Variants in MICAL3 observed in about 807,000 individuals in gnomAD.
The protein encoded by MICAL3 is [F-actin]-monooxygenase MICAL3.
In MICAL3, 62 loss-of-function variants were observed where a neutral mutation model predicts 207.4. The ratio of observed to expected loss-of-function variants is 0.30; its 90% CI spans 0.24 to 0.37. The LOEUF is 0.37. MICAL3 is among the 10% of genes least tolerant of loss of function. The pLI, the probability that MICAL3 is intolerant of heterozygous loss-of-function variation, is 1.00. For synonymous variants in MICAL3, 1,077 were observed against 1,069.3 expected (o/e 1.01, Z -0.14); for missense variants, 2,368 against 2,635.6 (o/e 0.90, Z 2.22).
chr22:17,976,867 C>T (rs1166341050), intron 1 of MICAL3, among the ~76,000 whole-genome samples: 5 of 148,896 alleles, frequency 3.4e-5, no homozygotes, highest in Non-Finnish European at 3.0e-5. Flanking sequence ...AGTGCAGTGG[C>T]GTGATCTCGG....
At chr22:17,992,341 T>G (rs1418971310) in intron 1 of MICAL3, among the ~76,000 whole-genome samples, 2 of 152,136 alleles carry the variant, frequency 1.3e-5, no homozygotes, top group East Asian at 3.9e-4. Context: ...TTCTAGAAAT[T>G]CTCAATCTTA....
chr22:17,827,637 T>C lies in MICAL3; in HGVS notation c.3193+7A>G. On this transcript the variant is annotated splice_region_variant and intron_variant, in intron 22 of 31. Transcript: ENST00000441493. ...GCACACTGCGGCCTGGGGCTGGGAG[T>C]GTTTACCTCCGGAAGCAGAGGACTC... 1 of 1,554,910 alleles carries C rather than the reference T, an allele frequency of 6.4e-7. No homozygotes were observed. The highest frequency in any genetic ancestry group is 8.7e-7 in the Non-Finnish European group (1 of 1,149,744).
At chr22:17,937,885 C>T (rs1366420839) in intron 1 of MICAL3, among the ~76,000 whole-genome samples, 1 of 152,116 alleles carries the variant, frequency 6.6e-6, no homozygotes, top group Non-Finnish European at 1.5e-5. Context: ...ATGAAGCCAA[C>T]AAATTACTTG....
intron 1 of MICAL3, among the ~76,000 whole-genome samples, chr22:17,949,474 G>T (rs1934230479): frequency 6.6e-6 from 1 of 152,178 alleles, no homozygotes; most frequent in Non-Finnish European, 1.5e-5. Context: ...GAACTGCTTT[G>T]CTAAGGGTGG....
rs1931403628 is a variant in MICAL3 at position 17,902,470 on chromosome 22, C to T, written c.589+161G>A. On this transcript the variant is annotated intron_variant, in intron 4 of 31. Transcript: ENST00000441493. The surrounding 1 kb of genome is among the most constrained non-coding windows in gnomAD (Gnocchi z 4.5). ...GGGGCCCTTCCCACCACATGTGCGC[C>T]TGCGACATCTAAGGCTGCATCCAGG... Among the ~76,000 whole-genome samples, 1 of 152,238 alleles carries T rather than the reference C, an allele frequency of 6.6e-6. No individual in the cohort carries two copies.
chr22:17,918,498 GCT>G (rs542923346), intron 1 of MICAL3, among the ~76,000 whole-genome samples: 251 of 152,166 alleles, frequency 1.6e-3, no homozygotes, highest in African/African-American at 5.6e-3. Context: ...TCTCCTGCCT[GCT>G]CTGTCTGCAG....
At chr22:17,974,273 G>A (rs1388349978) in intron 1 of MICAL3, among the ~76,000 whole-genome samples, 1 of 152,222 alleles carries the variant, frequency 6.6e-6, no homozygotes, top group Admixed American at 6.5e-5. Flanking sequence ...GGCTTCAGGG[G>A]ACTGCTGTGA....
chr22:17,801,378 C>T lies in MICAL3; in HGVS notation c.5650+7466G>A, dbSNP rs1216312980. 3.9e-5 allele frequency among the ~76,000 whole-genome samples: 2 copies of T among 51,378 alleles called. 1 individual carries two copies. The highest frequency in any genetic ancestry group is 6.5e-5 in the Non-Finnish European group (2 of 30,884). 33.7% of individuals were successfully genotyped at this position (51,378 alleles called of 152,430 possible). ...CCGTTTTAGCCGGGATGGTCTCGAT[C>T]TCCTGACCTCGTGATCCGCCCGCCT... is the stretch of plus-strand genomic sequence containing the variant. On this transcript the variant is annotated intron_variant, in intron 29 of 31. Coordinates refer to ENST00000441493, the MANE Select transcript of MICAL3 (RefSeq NM_015241.3).
chr22:17,788,265 C>G lies in MICAL3; in HGVS notation c.*2467G>C, dbSNP rs992194016. The stretch of plus-strand genomic sequence containing the variant: ...GGGGCGCAGGCCTGCGGCTCTGCGG[C>G]GCCTCTCTGCAAAGGCTCGGGTCCA... On this transcript the variant is annotated 3_prime_UTR_variant, in exon 32 of 32. Transcript: ENST00000441493. 6.6e-6 allele frequency: 1 copy of G among 152,272 alleles called. No homozygotes were observed. The highest frequency in any genetic ancestry group is 2.1e-4 in the South Asian group (1 of 4,832). 9.4% of individuals were successfully genotyped at this position (152,272 alleles called of 1,614,324 possible).
intron 1 of MICAL3, among the ~76,000 whole-genome samples, chr22:17,930,218 C>T (rs574961129): frequency 3.3e-5 from 5 of 152,322 alleles, no homozygotes; most frequent in African/African-American, 9.6e-5. Context: ...GTGGTGAACT[C>T]GTACAACCAC....
At chr22:17,943,662 T>C (rs965043141) in intron 1 of MICAL3, among the ~76,000 whole-genome samples, 19 of 152,222 alleles carry the variant, frequency 1.2e-4, no homozygotes, top group African/African-American at 4.6e-4. Context: ...ACCTTTCCCA[T>C]CTTGTTTGAT....
chr22:17,945,651 G>A (rs1934030490), intron 1 of MICAL3, among the ~76,000 whole-genome samples: 1 of 152,126 alleles, frequency 6.6e-6, no homozygotes, highest in Non-Finnish European at 1.5e-5. Context: ...AGTAAAGGCA[G>A]CGGGCCCCTC....
chr22:18,020,671 C>G (rs1924412031), intron 1 of MICAL3, among the ~76,000 whole-genome samples: 1 of 148,406 alleles, frequency 6.7e-6, no homozygotes, highest in South Asian at 2.1e-4. Flanking sequence ...AATCCCAGCA[C>G]TTTGGGAGGC....
In MICAL3 at chr22:17,906,639, G is replaced by A; in HGVS notation, c.174C>T (p.Asn58=). The change falls in exon 2 of 32, where the codon AAC becomes AAT. Residue 58 remains asparagine, a synonymous_variant. Transcript: ENST00000441493. The part of the protein sequence containing the change: ...SFYHKLKSKL[N]YWKAKALWAK... The stretch of plus-strand genomic sequence containing the variant: ...CCCAGAGGGCTTTGGCTTTCCAGTA[G>A]TTAAGCTTGGACTTGAGCTTGTGAT... The A allele has an allele frequency of 6.2e-7, 1 of 1,613,990 alleles. No individual in the cohort carries two copies. The highest frequency in any genetic ancestry group is 8.5e-7 in the Non-Finnish European group (1 of 1,179,886).
At chr22:17,815,943 C>T (rs972590626) in intron 27 of MICAL3, among the ~76,000 whole-genome samples, 1 of 152,216 alleles carries the variant, frequency 6.6e-6, no homozygotes, top group Admixed American at 6.5e-5. Context: ...ATGCTACATT[C>T]TCGGGAAGCT....
At chr22:17,990,241 T>C (rs774880283) in intron 1 of MICAL3, among the ~76,000 whole-genome samples, 3 of 152,050 alleles carry the variant, frequency 2.0e-5, no homozygotes, top group Non-Finnish European at 4.4e-5. Flanking sequence ...ACCAGCAAGA[T>C]AGGAAAGAAC....
chr22:17,896,672 C>A, intron 8 of MICAL3, 52 bp downstream of exon 8: 1 of 1,579,688 alleles, frequency 6.3e-7, no homozygotes, highest in Non-Finnish European at 8.6e-7. Flanking sequence ...CCCAGATTCA[C>A]TCCTAATTAT....
At chr22:17,803,996 AG>A in intron 29 of MICAL3, 1 of 253,034 alleles carries the variant, frequency 4.0e-6, no homozygotes, top group Non-Finnish European at 6.2e-6. Flanking sequence ...GAGGCGGCAG[AG>A]GAACGGCTGG....
chr22:17,891,319 T>C (rs555574306), intron 12 of MICAL3, among the ~76,000 whole-genome samples, 166 bp downstream of exon 12: 8 of 152,168 alleles, frequency 5.3e-5, no homozygotes, highest in Non-Finnish European at 1.2e-4. Context: ...ATATAATACA[T>C]GACATACAGA....
Sources: gnomAD v4.1 joint callset for allele counts (sites outside exome capture counted in the v4.1 genomes callset) on GRCh38, gnomAD v4.1.1 for gene constraint, Gnocchi (gnomAD v3.1) non-coding constraint, MANE v1.5 for transcripts, NCBI Gene and HGNC (gene_info 2026-07-23, HGNC 2026-07-21) for gene names.